The following ATP13A3 variants were observed in gnomAD, a reference collection of about 807,000 sequenced individuals.
ATP13A3 encodes the protein polyamine-transporting ATPase 13A3.
ATP13A3 carries 59 observed loss-of-function variants against 158.1 expected under a neutral mutation model. That is an observed-to-expected ratio of 0.37 (90% CI 0.30 to 0.46). The LOEUF is 0.46. Among genes scored for constraint, ATP13A3 ranks in the 20% least tolerant of loss-of-function variants. ATP13A3 has a pLI of 1.00. For synonymous variants in ATP13A3, 491 were observed against 504.3 expected, an observed-to-expected ratio of 0.97 and a Z score of 0.35; for missense variants, 1,166 against 1,525.2, an observed-to-expected ratio of 0.76 and a Z score of 3.92.
chr3:194,418,749 T>A (rs1283007423), intron 31 of ATP13A3, among the ~76,000 whole-genome samples: 1 of 152,214 alleles, frequency 6.6e-6, no homozygotes, highest in Admixed American at 6.5e-5. Flanking sequence ...GAAGAGTACA[T>A]GCTCATCATG....
In ATP13A3 at chr3:194,421,944, CAA is replaced by C. The variant is rs397972334; in HGVS notation, c.3314-1979_3314-1978del. 6.3e-4 allele frequency among the ~76,000 whole-genome samples: 61 copies of C among 97,358 alleles called. 1 individual carries two copies. The highest frequency in any genetic ancestry group is 4.8e-3 in the South Asian group (15 of 3,100). 63.9% of individuals were successfully genotyped at this position (97,358 alleles called of 152,430 possible). A position where few individuals can be genotyped will look rare whatever the true frequency, so the allele number is the denominator to read the frequency against. ...TGGTTCTTGACATGTGTGTCGTTGG[CAA>C]AAAAAAAAAAAAAAAATTTACTCAA... On this transcript the variant is annotated intron_variant, in intron 30 of 33. Transcript: ENST00000645319.
At chr3:194,421,159 A>ATATATAGTTTATATATATATAC (rs1553796406) in intron 30 of ATP13A3, among the ~76,000 whole-genome samples, 1 of 49,374 alleles carries the variant, frequency 2.0e-5, no homozygotes, top group Non-Finnish European at 2.9e-5. Flanking sequence ...ATATATATAT[A>ATATATAGTTTATATATATATAC]TATATATATA....
At chr3:194,429,214 G>A (rs961408487) in intron 27 of ATP13A3, among the ~76,000 whole-genome samples, 17 of 152,114 alleles carry the variant, frequency 1.1e-4, no homozygotes, top group Non-Finnish European at 1.9e-4. Context: ...AGATCACTAG[G>A]TCAAGAGATC....
chr3:194,449,874 T>G (rs534669438), intron 11 of ATP13A3, among the ~76,000 whole-genome samples: 1 of 152,028 alleles, frequency 6.6e-6, no homozygotes, highest in African/African-American at 2.4e-5. Flanking sequence ...AAAGGCCGCC[T>G]TTCCACTTCC....
Position 194,447,807 on chromosome 3 carries a change from T to C in ATP13A3, c.1308+45A>G, listed in dbSNP as rs111490634. The C allele has an allele frequency of 2.5e-5, 38 of 1,492,004 alleles. No individual in the cohort carries two copies. In the African/African-American group the frequency reaches 4.8e-4, roughly 19 times the overall value. 92.4% of individuals were successfully genotyped at this position (1,492,004 alleles called of 1,614,324 possible). A position where few individuals can be genotyped will look rare whatever the true frequency, so the allele number is the denominator to read the frequency against. On this transcript the variant is annotated intron_variant, in intron 13 of 33. Coordinates refer to ENST00000645319, the MANE Select transcript of ATP13A3 (RefSeq NM_001367549.1). ...TCAAATCCTCAATAGCTGCATATGA[T>C]AAATAATTGAGGTTCAAACCCTATT...
chr3:194,415,763 G>A (rs1452204374), intron 31 of ATP13A3, among the ~76,000 whole-genome samples: 20 of 143,292 alleles, frequency 1.4e-4, no homozygotes, highest in Middle Eastern at 3.8e-3. Context: ...TCCGCCTCCC[G>A]GGTTCACACC....
rs1350124842 is a variant in ATP13A3, at chr3:194,486,487, T to TTG, written c.-89+78_-89+79insCA. ...GAAGGCTGGCCGCGACCTCGCCCGG[T>TTG]ACCCGCCGCCCCGACACCACCATTC... On this transcript the variant is annotated intron_variant, in intron 1 of 33. Coordinates refer to ENST00000645319, the MANE Select transcript of ATP13A3 (RefSeq NM_001367549.1). 4 of 152,850 alleles carry TTG rather than the reference T, an allele frequency of 2.6e-5. No homozygotes were observed. In the Admixed American group the frequency reaches 2.6e-4, roughly 10 times the overall value. The allele number at this position is 152,850 out of a possible 1,614,324, so 9.5% of individuals were successfully genotyped here. A position where few individuals can be genotyped will look rare whatever the true frequency, so the allele number is the denominator to read the frequency against.
chr3:194,442,317 G>T (rs536785042), intron 15 of ATP13A3, among the ~76,000 whole-genome samples: 127 of 152,190 alleles, frequency 8.3e-4, no homozygotes, highest in Non-Finnish European at 1.2e-3. Context: ...TATAAATTTG[G>T]CCAGGGGCAG....
chr3:194,406,170 T>C (rs1714914970), intron 33 of ATP13A3, 54 bp from the exon 34 acceptor site: 1 of 1,581,468 alleles, frequency 6.3e-7, no homozygotes, highest in African/African-American at 1.4e-5. Context: ...TAAAGGCTTG[T>C]CGTTTTAAAC....
chr3:194,427,276 A>T (rs748167444), intron 28 of ATP13A3, 24 bp from the exon 29 acceptor site: 4 of 1,566,842 alleles, frequency 2.6e-6, no homozygotes, highest in African/African-American at 2.8e-5. Context: ...AAAAAGAGGA[A>T]AGGTTTGTAT....
At position 194,438,888 on chromosome 3, in the gene ATP13A3, G is replaced by A; in HGVS notation, c.1795C>T (p.Pro599Ser). The change falls in exon 17 of 34, where the codon CCT (proline) becomes TCT (serine). Residue 599 changes from proline (P) to serine (S), a missense_variant. By Grantham distance (74) the Pro-to-Ser change is moderately conservative. Around this residue, in one of 3 missense-constraint regions of ATP13A3, gnomAD observed 997 missense variants for 1,341.2 expected, o/e 0.74. Transcript: ENST00000645319. ...TGGTTTCCTGCAGGGGTAGATTCAG[G>A]AAGCAGTTGTTTGGGAGGACGAACC... is the stretch of plus-strand genomic sequence containing the variant. Reference protein sequence around the residue: ...TVVRPPKQLLPESTPAGNQEM... With the variant: ...TVVRPPKQLLSESTPAGNQEM... 6.2e-7 allele frequency: 1 copy of A among 1,607,438 alleles called. No homozygotes were observed. The highest frequency in any genetic ancestry group is 1.7e-5 in the Admixed American group (1 of 59,714).
chr3:194,450,824 A>G (rs1468521720), intron 10 of ATP13A3: 2 of 152,384 alleles, frequency 1.3e-5, no homozygotes, highest in Non-Finnish European at 2.9e-5. Flanking sequence ...GAGTAAATTC[A>G]TTAAATAAAC....
chr3:194,484,627 T>C lies in ATP13A3; in HGVS notation c.-47+1167A>G, dbSNP rs150589673. ...GATGTTGGAAATAAGAACTTTATAC[T>C]TGTGAATGACAACAAAGTGGTTTAT... On this transcript the variant is annotated intron_variant, in intron 2 of 33. Transcript: ENST00000645319. 8.6e-3 allele frequency among the ~76,000 whole-genome samples: 1,304 copies of C among 152,316 alleles called. 20 individuals carry two copies. Among genetic ancestry groups the C allele is most frequent in the African/African-American group, 0.029 (1,204 of 41,548 alleles).
chr3:194,414,502 G>A (rs1286849631), intron 31 of ATP13A3, among the ~76,000 whole-genome samples: 1 of 149,906 alleles, frequency 6.7e-6, no homozygotes, highest in Admixed American at 6.6e-5. Flanking sequence ...ACGAAGTACT[G>A]GTCAAAACTC....
chr3:194,445,431 C>T (rs151223682), intron 14 of ATP13A3, among the ~76,000 whole-genome samples: 1 of 152,244 alleles, frequency 6.6e-6, no homozygotes, highest in African/African-American at 2.4e-5. Flanking sequence ...TAAATATCCT[C>T]TAGACACATA....
upstream of ATP13A3, among the ~76,000 whole-genome samples, chr3:194,491,695 GCCT>G (rs1464354419): frequency 1.5e-5 from 1 of 68,800 alleles, no homozygotes; most frequent in African/African-American, 6.8e-5. Flanking sequence ...CACCTGGCAT[GCCT>G]CCTCATCTCT....
At chr3:194,444,871 C>A in intron 14 of ATP13A3, 85 bp from the exon 15 acceptor site, 3 of 1,035,006 alleles carry the variant, frequency 2.9e-6, no homozygotes, top group Non-Finnish European at 4.3e-6. Context: ...AGCAACCACA[C>A]AGCATTAGAA....
At chr3:194,476,812 T>C (rs1720547509) in intron 2 of ATP13A3, among the ~76,000 whole-genome samples, 1 of 149,494 alleles carries the variant, frequency 6.7e-6, no homozygotes, top group Admixed American at 6.7e-5. Context: ...GATTAAATAA[T>C]ATTAAGCAGG....
At chr3:194,407,569 G>A (rs1055603409) in intron 33 of ATP13A3, among the ~76,000 whole-genome samples, 1 of 152,140 alleles carries the variant, frequency 6.6e-6, no homozygotes, top group Non-Finnish European at 1.5e-5. Context: ...CACGGTAAAC[G>A]TGACTCACCG....
Sources: gnomAD v4.1 joint callset for allele counts (sites outside exome capture counted in the v4.1 genomes callset) on GRCh38, gnomAD v4.1.1 for gene constraint, gnomAD v4.1.1 regional missense constraint, MANE v1.5 for transcripts, NCBI Gene and HGNC (gene_info 2026-07-23, HGNC 2026-07-21) for gene names.